ICA1: variants seen among roughly 807,000 people sequenced by gnomAD.
ICA1 encodes 69 kDa islet cell autoantigen.
In ICA1, 40 loss-of-function variants were observed where a neutral mutation model predicts 71.0. The ratio of observed to expected loss-of-function variants is 0.56; its 90% CI spans 0.44 to 0.73. The LOEUF is 0.73. Ranked by LOEUF, ICA1 falls within the 30% of genes least tolerant of loss-of-function variation. ICA1 has a pLI of 0.00. For missense variants in ICA1, 578 were observed against 576.5 expected, an observed-to-expected ratio of 1.00 and a Z score of -0.03; for synonymous variants, 207 against 209.5, an observed-to-expected ratio of 0.99 and a Z score of 0.10.
intron 6 of ICA1, among the ~76,000 whole-genome samples, chr7:8,202,743 T>A (rs1433630922): frequency 1.3e-5 from 2 of 152,196 alleles, no homozygotes; most frequent in African/African-American, 2.4e-5. Flanking sequence ...TTCTTAAGAA[T>A]AATGTTAGCT....
Position 8,222,958 on chromosome 7 carries a change from C to T in ICA1, c.257-1560G>A, listed in dbSNP as rs987552363. Among the ~76,000 whole-genome samples, 16 of 152,178 alleles carry T rather than the reference C, an allele frequency of 1.1e-4. No homozygotes were observed. The highest frequency in any genetic ancestry group is 1.9e-4 in the Non-Finnish European group (13 of 68,032). On this transcript the variant is annotated intron_variant, in intron 4 of 13. Coordinates refer to ENST00000402384, the MANE Select transcript of ICA1 (RefSeq NM_001136020.3). The surrounding 1 kb of genome is among the most constrained non-coding windows in gnomAD (Gnocchi z 4.8). ...GGCTGAGCATAAAGTCTTAAATTCA[C>T]GGTGCTAATTAAATGCTTGTGAATT...
At chr7:8,155,900 C>T (rs1172318838) in intron 8 of ICA1, among the ~76,000 whole-genome samples, 1 of 152,202 alleles carries the variant, frequency 6.6e-6, no homozygotes, top group African/African-American at 2.4e-5. Context: ...GTGTACAAAA[C>T]ATTTGGCTAG....
intron 6 of ICA1, among the ~76,000 whole-genome samples, chr7:8,202,494 A>C (rs1004458051): frequency 6.6e-6 from 1 of 152,218 alleles, no homozygotes; most frequent in Non-Finnish European, 1.5e-5. Flanking sequence ...TCAATGTCAA[A>C]GTTTCTTTTA....
intron 6 of ICA1, among the ~76,000 whole-genome samples, chr7:8,165,743 G>A (rs1184220875): frequency 6.6e-6 from 1 of 152,128 alleles, no homozygotes. Flanking sequence ...CAAGCTGAAA[G>A]CCAAATCAAG....
intron 13 of ICA1, among the ~76,000 whole-genome samples, chr7:8,115,202 T>C (rs1303865294): frequency 1.3e-5 from 2 of 152,230 alleles, no homozygotes; most frequent in Admixed American, 6.5e-5. Flanking sequence ...GTATCTATGA[T>C]GGTGAGAAAA....
intron 13 of ICA1, among the ~76,000 whole-genome samples, chr7:8,127,539 C>T (rs1035657996): frequency 1.3e-5 from 2 of 152,148 alleles, no homozygotes; most frequent in African/African-American, 2.4e-5. Context: ...ACGTGGTGAA[C>T]TCAGGGCGGA....
intron 9 of ICA1, among the ~76,000 whole-genome samples, chr7:8,143,113 T>C (rs1186027865): frequency 6.6e-6 from 1 of 152,202 alleles, no homozygotes; most frequent in Non-Finnish European, 1.5e-5. Flanking sequence ...ATCCATTTTG[T>C]TTTCCTAGGT....
intron 6 of ICA1, among the ~76,000 whole-genome samples, chr7:8,171,024 C>T (rs575223862): frequency 5.5e-4 from 83 of 151,970 alleles, no homozygotes; most frequent in Non-Finnish European, 4.6e-4. Flanking sequence ...AAAGAAACCC[C>T]ATCATCATTT....
At chr7:8,184,305 T>G (rs535641334) in intron 6 of ICA1, among the ~76,000 whole-genome samples, 51 of 152,364 alleles carry the variant, frequency 3.3e-4, no homozygotes, top group African/African-American at 1.2e-3. Flanking sequence ...CATAATGGTC[T>G]GGTGCCATTT....
chr7:8,130,478 T>C lies in ICA1; in HGVS notation c.1061-2336A>G, dbSNP rs1440305458. On this transcript the variant is annotated intron_variant, in intron 12 of 13. Coordinates refer to ENST00000402384, the MANE Select transcript of ICA1 (RefSeq NM_001136020.3). The surrounding 1 kb of genome is among the most constrained non-coding windows in gnomAD (Gnocchi z 4.2). ...TTATTAACATTACAGAACTCTATAC[T>C]TCCTACTTTCAGGTAGGACTGGAAT... Among the ~76,000 whole-genome samples the C allele has an allele frequency of 1.3e-5, 2 of 152,252 alleles. No homozygotes were observed. The highest frequency in any genetic ancestry group is 2.9e-5 in the Non-Finnish European group (2 of 68,032).
At chr7:8,242,790 G>A (rs1332195213) in intron 1 of ICA1, among the ~76,000 whole-genome samples, 4 of 151,982 alleles carry the variant, frequency 2.6e-5, no homozygotes, top group South Asian at 2.1e-4. Context: ...TAAACACCTC[G>A]ATGCAAATAA....
intron 13 of ICA1, among the ~76,000 whole-genome samples, chr7:8,122,686 G>C (rs1584206686): frequency 1.3e-5 from 2 of 152,270 alleles, no homozygotes; most frequent in Admixed American, 1.3e-4. Context: ...ACTGCTTGAG[G>C]AAAGGTGAAA....
chr7:8,159,945 A>C (rs1234744131), intron 6 of ICA1, among the ~76,000 whole-genome samples: 1 of 152,156 alleles, frequency 6.6e-6, no homozygotes, highest in Non-Finnish European at 1.5e-5. Flanking sequence ...AGTTATAGAT[A>C]CTAGATAGGT....
intron 9 of ICA1, 127 bp downstream of exon 9, chr7:8,143,748 A>G (rs1795980152): frequency 1.5e-6 from 1 of 645,736 alleles, no homozygotes; most frequent in South Asian, 1.9e-5. Context: ...ATGCTAATAC[A>G]TCTACTCTGA....
intron 1 of ICA1, among the ~76,000 whole-genome samples, chr7:8,246,007 C>G (rs1054584781): frequency 1.3e-5 from 2 of 152,210 alleles, no homozygotes; most frequent in African/African-American, 4.8e-5. Flanking sequence ...TTAGCTAATA[C>G]TTCATGATTC....
chr7:8,212,706 C>T (rs1019755085), intron 6 of ICA1, among the ~76,000 whole-genome samples: 2 of 152,188 alleles, frequency 1.3e-5, no homozygotes, highest in South Asian at 2.1e-4. Context: ...AGGGCGGGGA[C>T]GGAGTGTAGC....
At chr7:8,166,605 C>T (rs563957541) in intron 6 of ICA1, among the ~76,000 whole-genome samples, 1 of 152,146 alleles carries the variant, frequency 6.6e-6, no homozygotes, top group South Asian at 2.1e-4. Context: ...GACGAAAATG[C>T]CAAAAGCAAT....
At chr7:8,192,209 T>C (rs1386728071) in intron 6 of ICA1, among the ~76,000 whole-genome samples, 1 of 152,206 alleles carries the variant, frequency 6.6e-6, no homozygotes, top group Non-Finnish European at 1.5e-5. Flanking sequence ...AATAATATCT[T>C]CTATAACAAA....
At chr7:8,180,315 A>AGTG (rs1781822108) in intron 6 of ICA1, among the ~76,000 whole-genome samples, 1 of 152,090 alleles carries the variant, frequency 6.6e-6, no homozygotes, top group Non-Finnish European at 1.5e-5. Context: ...ATTCAACATC[A>AGTG]CACCCATGAC....
Sources: allele counts gnomAD v4.1 joint callset (sites outside exome capture counted in the v4.1 genomes callset), GRCh38; gene constraint gnomAD v4.1.1; non-coding constraint Gnocchi (gnomAD v3.1); transcripts MANE v1.5; gene names NCBI Gene and HGNC (gene_info 2026-07-23, HGNC 2026-07-21).